CADM1: variants seen among roughly 807,000 people sequenced by gnomAD.
The protein encoded by CADM1 is TSLC-1.
Under a neutral mutation model 53.1 loss-of-function variants are expected in CADM1, and 15 were observed. That is an observed-to-expected ratio of 0.28 (90% CI 0.19 to 0.44). The LOEUF (loss-of-function observed/expected upper bound fraction) is 0.44, where lower values mean the gene tolerates loss of function less well. CADM1 is among the 20% of genes least tolerant of loss of function. The probability of loss-of-function intolerance (pLI) is 1.00; values close to 1 mark genes in which losing one functional copy is unlikely to be tolerated. For missense variants in CADM1, 434 were observed against 611.3 expected (o/e 0.71, Z 3.06); for synonymous variants, 281 against 243.0 (o/e 1.16, Z -1.45).
intron 1 of CADM1, among the ~76,000 whole-genome samples, chr11:115,403,140 C>T (rs1947206958): frequency 2.0e-5 from 3 of 152,156 alleles, no homozygotes; most frequent in South Asian, 2.1e-4. Flanking sequence ...CTTCCTCATA[C>T]GTTACACTGA....
chr11:115,250,403 G>GT (rs1260174922), intron 1 of CADM1, among the ~76,000 whole-genome samples: 4 of 152,042 alleles, frequency 2.6e-5, no homozygotes, highest in Non-Finnish European at 5.9e-5. Flanking sequence ...TAAAAGCTGG[G>GT]TTTTTCCCCC....
At chr11:115,474,844 T>C (rs1169629802) in intron 1 of CADM1, among the ~76,000 whole-genome samples, 3 of 152,080 alleles carry the variant, frequency 2.0e-5, no homozygotes, top group African/African-American at 7.2e-5. Context: ...ACTTAAAGTA[T>C]AATAATTAAA....
intron 1 of CADM1, among the ~76,000 whole-genome samples, chr11:115,305,167 C>A (rs548198960): frequency 6.6e-6 from 1 of 152,044 alleles, no homozygotes; most frequent in South Asian, 2.1e-4. Flanking sequence ...GCCCTCAAAT[C>A]AAAGCTTGAC....
At chr11:115,293,019 A>G (rs1029295702) in intron 1 of CADM1, among the ~76,000 whole-genome samples, 3 of 152,222 alleles carry the variant, frequency 2.0e-5, no homozygotes, top group African/African-American at 7.2e-5. Flanking sequence ...AAAAGTAGAT[A>G]TATGACATTT....
chr11:115,320,198 G>A (rs1163583456), intron 1 of CADM1, among the ~76,000 whole-genome samples: 3 of 152,042 alleles, frequency 2.0e-5, no homozygotes, highest in Admixed American at 2.0e-4. Flanking sequence ...GAGCAGCTGG[G>A]AGTACATGCC....
chr11:115,437,189 A>C (rs1054682531), intron 1 of CADM1, among the ~76,000 whole-genome samples: 2 of 152,208 alleles, frequency 1.3e-5, no homozygotes, highest in Non-Finnish European at 2.9e-5. Flanking sequence ...AGATAGGGTA[A>C]TGGTAAGAAA....
At chr11:115,491,378 A>G (rs1174507605) in intron 1 of CADM1, among the ~76,000 whole-genome samples, 1 of 152,106 alleles carries the variant, frequency 6.6e-6, no homozygotes. Flanking sequence ...ATCCTGGCTA[A>G]CACGGTGAAA....
At chr11:115,266,221 A>C (rs890511824) in intron 1 of CADM1, among the ~76,000 whole-genome samples, 56 of 152,372 alleles carry the variant, frequency 3.7e-4, no homozygotes, top group Middle Eastern at 3.4e-3. Context: ...TATTGTGCTC[A>C]AAACAAAGGT....
chr11:115,414,778 C>T (rs916081643), intron 1 of CADM1, among the ~76,000 whole-genome samples: 9 of 148,958 alleles, frequency 6.0e-5, no homozygotes, highest in Non-Finnish European at 1.2e-4. Flanking sequence ...TTCATTCTTG[C>T]TCATTCTAAG....
intron 10 of CADM1, 152 bp downstream of exon 10, chr11:115,190,736 C>T (rs571420241): frequency 9.5e-5 from 55 of 581,156 alleles, no homozygotes; most frequent in African/African-American, 7.3e-4. Context: ...AGTGGGTGAC[C>T]GGGGAGGAAG....
At chr11:115,270,927 G>A (rs1459077326) in intron 1 of CADM1, among the ~76,000 whole-genome samples, 2 of 152,090 alleles carry the variant, frequency 1.3e-5, no homozygotes, top group Middle Eastern at 3.2e-3. Context: ...GTGAACCACT[G>A]GGAGTTTATT....
intron 1 of CADM1, among the ~76,000 whole-genome samples, chr11:115,333,980 C>T (rs753959737): frequency 2.0e-5 from 3 of 152,106 alleles, no homozygotes; most frequent in Non-Finnish European, 4.4e-5. Context: ...TCATACAGCT[C>T]ATGGATGCAA....
chr11:115,401,307 C>T (rs1443152081), intron 1 of CADM1, among the ~76,000 whole-genome samples: 1 of 152,160 alleles, frequency 6.6e-6, no homozygotes, highest in Admixed American at 6.5e-5. Flanking sequence ...ACTACAGAGA[C>T]AGTAAAAAGA....
intron 1 of CADM1, among the ~76,000 whole-genome samples, chr11:115,348,947 T>C (rs185082282): frequency 1.2e-3 from 177 of 152,258 alleles, no homozygotes; most frequent in South Asian, 7.3e-3. Context: ...GGTAGCATAT[T>C]AGATTATTAA....
intron 1 of CADM1, among the ~76,000 whole-genome samples, chr11:115,394,382 T>C (rs1219357694): frequency 1.3e-5 from 2 of 152,192 alleles, no homozygotes; most frequent in African/African-American, 4.8e-5. Context: ...ATACCAACAC[T>C]TTCCTTTATG....
intron 1 of CADM1, among the ~76,000 whole-genome samples, chr11:115,273,879 G>A (rs187819464): frequency 1.2e-4 from 18 of 152,276 alleles, no homozygotes; most frequent in African/African-American, 4.3e-4. Flanking sequence ...GAAGATACAT[G>A]ACAAAGGAGT....
intron 1 of CADM1, among the ~76,000 whole-genome samples, chr11:115,365,583 T>C (rs908714170): frequency 2.0e-5 from 3 of 152,116 alleles, no homozygotes; most frequent in Admixed American, 1.3e-4. Context: ...ACAGATTTAA[T>C]ATTAACATGA....
At chr11:115,498,040 C>T (rs893172538) in intron 1 of CADM1, among the ~76,000 whole-genome samples, 1 of 147,592 alleles carries the variant, frequency 6.8e-6, no homozygotes, top group African/African-American at 2.5e-5. Flanking sequence ...TTCAGAAAAA[C>T]CAAAGACTTT....
intron 1 of CADM1, among the ~76,000 whole-genome samples, chr11:115,460,529 G>C (rs1447182244): frequency 6.6e-6 from 1 of 152,152 alleles, no homozygotes; most frequent in East Asian, 1.9e-4. Context: ...AATTTTCTCT[G>C]AAGATCTCTA....
Sources: gnomAD v4.1 joint callset for allele counts (sites outside exome capture counted in the v4.1 genomes callset) on GRCh38, gnomAD v4.1.1 for gene constraint, MANE v1.5 for transcripts, NCBI Gene and HGNC (gene_info 2026-07-23, HGNC 2026-07-21) for gene names.